COL4A5: variants seen among roughly 807,000 people sequenced by gnomAD.
COL4A5 encodes the protein collagen alpha-5(IV) chain.
A neutral mutation model predicts 130.2 loss-of-function variants in COL4A5; 26 were observed. The ratio of observed to expected loss-of-function variants is 0.20; its 90% CI spans 0.15 to 0.28. COL4A5 has a LOEUF of 0.28. COL4A5 is among the 10% of genes least tolerant of loss of function. COL4A5 has a pLI of 1.00. For missense variants in COL4A5, 1,131 were observed against 1,344.3 expected, an observed-to-expected ratio of 0.84 and a Z score of 2.48; for synonymous variants, 496 against 439.6, an observed-to-expected ratio of 1.13 and a Z score of -1.60.
intron 1 of COL4A5, among the ~76,000 whole-genome samples, chrX:108,468,667 G>A (rs1276682958): frequency 2.7e-5 from 3 of 109,198 alleles, no homozygotes; most frequent in African/African-American, 1.0e-4. Context: ...TGCATCAGTG[G>A]GTTTTCTTGT....
At chrX:108,546,323 G>T (rs1474451860) in intron 2 of COL4A5, among the ~76,000 whole-genome samples, 1 of 111,658 alleles carries the variant, frequency 9.0e-6, no homozygotes, top group East Asian at 2.8e-4. Context: ...AAATCTCTCA[G>T]CATTTGCTTG....
chrX:108,646,828 T>G (rs1359466698), intron 36 of COL4A5, among the ~76,000 whole-genome samples: 1 of 111,472 alleles, frequency 9.0e-6, no homozygotes, highest in African/African-American at 3.3e-5. Context: ...CACCATTTAT[T>G]AAATAGGGAA....
At chrX:108,571,593 A>C (rs903247321) in intron 7 of COL4A5, 127 bp downstream of exon 7, 1 of 646,717 alleles carries the variant, frequency 1.5e-6, no homozygotes, top group African/African-American at 2.2e-5. Flanking sequence ...ACTAGAGGAA[A>C]ATGTTTCAAA....
intron 21 of COL4A5, 73 bp downstream of exon 21, chrX:108,591,717 C>G: frequency 1.2e-6 from 1 of 821,768 alleles, no homozygotes; most frequent in Admixed American, 2.3e-5. Flanking sequence ...CCCCTGTATC[C>G]TCCATCACAC....
In COL4A5 at chrX:108,447,672, A is replaced by G. The variant is rs758198475; in HGVS notation, c.81+7466A>G. Among the ~76,000 whole-genome samples, 75 of 111,443 alleles carry G rather than the reference A, an allele frequency of 6.7e-4. 1 individual carries two copies. Among genetic ancestry groups the G allele is most frequent in the Middle Eastern group, 4.7e-3 (1 of 214 alleles). On this transcript the variant is annotated intron_variant, in intron 1 of 52. Coordinates refer to ENST00000328300, the MANE Select transcript of COL4A5 (RefSeq NM_033380.3). ...GAGACAGACTTAATTTTTCTTTCCT[A>G]TCTACTACAGTGACTATGGAATTGA...
chrX:108,502,343 T>C (rs778007588), intron 1 of COL4A5, among the ~76,000 whole-genome samples: 2 of 111,576 alleles, frequency 1.8e-5, no homozygotes, highest in South Asian at 3.8e-4. Context: ...TGCAGTGCAA[T>C]GGCGCAATCT....
chrX:108,440,271 T>TG lies in COL4A5; in HGVS notation c.81+75dup, dbSNP rs59044748. ...TTTCACGCTGAAATTACCTTTTTTT[T>TG]GGGGGGGGGGTCCCTTTATCTTCCT... On this transcript the variant is annotated intron_variant, in intron 1 of 52. Transcript: ENST00000328300. The TG allele has an allele frequency of 0.043, 26,915 of 620,435 alleles. 610 individuals carry two copies. The highest frequency in any genetic ancestry group is 0.19 in the African/African-American group (7,871 of 40,478). The allele number at this position is 620,435 out of a possible 1,213,427, so 51.1% of individuals were successfully genotyped here.
At chrX:108,580,171 C>T (rs1420334145) in intron 13 of COL4A5, among the ~76,000 whole-genome samples, 1 of 110,944 alleles carries the variant, frequency 9.0e-6, no homozygotes, top group Non-Finnish European at 1.9e-5. Flanking sequence ...TTGTGTGATG[C>T]TGAGGTTTGG....
At chrX:108,446,440 C>T (rs954032374) in intron 1 of COL4A5, among the ~76,000 whole-genome samples, 6 of 111,677 alleles carry the variant, frequency 5.4e-5, no homozygotes, top group Middle Eastern at 4.7e-3. Context: ...TTGCTACAGC[C>T]GCCTTCATGG....
chrX:108,566,064 C>T (rs1160385744), intron 4 of COL4A5, among the ~76,000 whole-genome samples: 1 of 106,832 alleles, frequency 9.4e-6, no homozygotes, highest in East Asian at 2.9e-4. Context: ...CAAAAATTTC[C>T]CTGTCAACTT....
intron 44 of COL4A5, among the ~76,000 whole-genome samples, chrX:108,679,132 A>G (rs139234148): frequency 1.6e-3 from 180 of 112,306 alleles, no homozygotes; most frequent in African/African-American, 5.7e-3. Flanking sequence ...TTGTGGTTTT[A>G]GTTTTAATCA....
chrX:108,594,056 T>C (rs2066475751), intron 21 of COL4A5, among the ~76,000 whole-genome samples: 1 of 111,811 alleles, frequency 8.9e-6, no homozygotes, highest in African/African-American at 3.3e-5. Context: ...ATTTGCCTAG[T>C]CAACATTTTG....
intron 1 of COL4A5, among the ~76,000 whole-genome samples, chrX:108,449,209 G>A (rs1234497462): frequency 8.9e-6 from 1 of 111,924 alleles, no homozygotes; most frequent in African/African-American, 3.3e-5. Context: ...ACCTAGAAAA[G>A]TTGGAGGGTG....
intron 1 of COL4A5, among the ~76,000 whole-genome samples, chrX:108,486,696 A>T (rs763133853): frequency 8.9e-6 from 1 of 111,800 alleles, no homozygotes; most frequent in African/African-American, 3.3e-5. Context: ...GAGTTACTTC[A>T]CTTAGAATAA....
At chrX:108,577,634 T>C (rs1453664475) in intron 10 of COL4A5, among the ~76,000 whole-genome samples, 1 of 111,479 alleles carries the variant, frequency 9.0e-6, no homozygotes, top group African/African-American at 3.3e-5. Flanking sequence ...TAAGTTTACC[T>C]ATAATTCTGA....
chrX:108,630,556 C>A (rs1190813703), intron 36 of COL4A5, among the ~76,000 whole-genome samples: 1 of 111,800 alleles, frequency 8.9e-6, no homozygotes, highest in African/African-American at 3.3e-5. Flanking sequence ...TGGATATTAG[C>A]CCTTTGTCAG....
chrX:108,542,473 C>G (rs772023844), intron 2 of COL4A5, among the ~76,000 whole-genome samples: 1 of 110,819 alleles, frequency 9.0e-6, no homozygotes, highest in African/African-American at 3.3e-5. Context: ...TTCCATGGTG[C>G]GTATGTGCCA....
At chrX:108,451,230 A>C (rs2064508412) in intron 1 of COL4A5, among the ~76,000 whole-genome samples, 1 of 110,643 alleles carries the variant, frequency 9.0e-6, no homozygotes, top group South Asian at 3.9e-4. Flanking sequence ...ACATTTTCTT[A>C]ATCCAGTCTA....
At chrX:108,595,731 A>T (rs2066503796) in intron 22 of COL4A5, 130 bp downstream of exon 22, 1 of 494,681 alleles carries the variant, frequency 2.0e-6, no homozygotes, top group African/African-American at 2.4e-5. Flanking sequence ...TAAGTATGAA[A>T]TGCCTCCATT....
Sources: allele counts gnomAD v4.1 joint callset (sites outside exome capture counted in the v4.1 genomes callset), GRCh38; gene constraint gnomAD v4.1.1; transcripts MANE v1.5; gene names NCBI Gene and HGNC (gene_info 2026-07-23, HGNC 2026-07-21).